Variants in WDR48 observed in about 807,000 individuals in gnomAD.
WDR48 encodes the protein WD repeat-containing protein 48.
In WDR48, 22 loss-of-function variants were observed where a neutral mutation model predicts 94.0. That is an observed-to-expected ratio of 0.23 (90% CI 0.17 to 0.33). The LOEUF (loss-of-function observed/expected upper bound fraction) is 0.33. WDR48 is among the 10% of genes least tolerant of loss of function. The pLI is 1.00. For missense variants in WDR48, 541 were observed against 813.8 expected, an observed-to-expected ratio of 0.66 and a Z score of 4.08; for synonymous variants, 278 against 280.5, an observed-to-expected ratio of 0.99 and a Z score of 0.09.
At chr3:39,071,117 A>T (rs529140873) in intron 7 of WDR48, among the ~76,000 whole-genome samples, 49 of 152,232 alleles carry the variant, frequency 3.2e-4, no homozygotes, top group African/African-American at 1.0e-3. Flanking sequence ...AGTATTTGCT[A>T]TTGTGAATAG....
At chr3:39,071,751 A>G (rs750939813) in intron 7 of WDR48, among the ~76,000 whole-genome samples, 5 of 152,192 alleles carry the variant, frequency 3.3e-5, no homozygotes, top group East Asian at 3.8e-4. Flanking sequence ...ATTGGCAACT[A>G]TGGACTAAAT....
chr3:39,057,717 G>A (rs965043124), intron 1 of WDR48, among the ~76,000 whole-genome samples: 1 of 152,102 alleles, frequency 6.6e-6, no homozygotes, highest in African/African-American at 2.4e-5. Flanking sequence ...CTGCTTCCTG[G>A]GTTCAAGTGA....
At chr3:39,067,886 G>T (rs1458859846) in intron 5 of WDR48, among the ~76,000 whole-genome samples, 1 of 151,830 alleles carries the variant, frequency 6.6e-6, no homozygotes, top group Non-Finnish European at 1.5e-5. Context: ...CATTATCTCT[G>T]ATTCATTAGC....
intron 2 of WDR48, among the ~76,000 whole-genome samples, chr3:39,064,958 CA>C (rs2033513874): frequency 6.6e-6 from 1 of 152,160 alleles, no homozygotes; most frequent in African/African-American, 2.4e-5. Context: ...GAAAAACACC[CA>C]AAAGAACTAA....
Position 39,084,654 on chromosome 3 carries a change from A to G in WDR48, c.1291A>G (p.Ile431Val), listed in dbSNP as rs761581186. 1.2e-5 allele frequency: 19 copies of G among 1,613,640 alleles called. No individual in the cohort carries two copies. The Admixed American group carries it at 1.7e-4, about 14-fold the overall frequency. ...TTTTTTCTTTTGATAGATGTTAACT[A>G]TTACTTTGGATGAAAGTGATTGTTT... The part of the protein sequence containing the change: ...SVDLKTGMLT[I>V]TLDESDCFAA... Residue 431 changes from isoleucine to valine, a missense_variant, in exon 13 of 19, where the codon ATT becomes GTT. Physicochemically the swap from Ile to Val is conservative, Grantham distance 29. Transcript: ENST00000302313.
chr3:39,074,677 A>G lies in WDR48; in HGVS notation c.673-49A>G, dbSNP rs2034120108. The G allele has an allele frequency of 1.9e-6, 3 of 1,598,146 alleles. No individual in the cohort carries two copies. The South Asian group carries it at 3.3e-5, about 18-fold the overall frequency. Reference sequence around the variant, plus strand: ...GAGAAGTCAAGTGCAAAGCACAAGAAAGCAGGAACTTTGTGGCAAGTTCTA... The same window carrying G: ...GAGAAGTCAAGTGCAAAGCACAAGAGAGCAGGAACTTTGTGGCAAGTTCTA... On this transcript the variant is annotated intron_variant, in intron 7 of 18. Coordinates refer to ENST00000302313, the MANE Select transcript of WDR48 (RefSeq NM_020839.4).
At chr3:39,069,864 A>G in intron 7 of WDR48, 120 bp downstream of exon 7, 1 of 706,298 alleles carries the variant, frequency 1.4e-6, no homozygotes, top group Non-Finnish European at 2.2e-6. Flanking sequence ...GTCTAATTAA[A>G]AAATTTTAAA....
intron 1 of WDR48, among the ~76,000 whole-genome samples, chr3:39,059,887 T>C (rs1376449602): frequency 1.3e-5 from 2 of 152,234 alleles, no homozygotes; most frequent in Non-Finnish European, 2.9e-5. Context: ...TGATTATTTA[T>C]GGGGTTTTTG....
At chr3:39,088,074 A>G in intron 14 of WDR48, 54 bp from the exon 15 acceptor site, 2 of 1,542,764 alleles carry the variant, frequency 1.3e-6, no homozygotes, top group Admixed American at 1.7e-5. Flanking sequence ...AATGTTTAGA[A>G]TCTGTATTTT....
At chr3:39,060,419 CATATAT>C (rs200990149) in intron 1 of WDR48, among the ~76,000 whole-genome samples, 6 of 147,770 alleles carry the variant, frequency 4.1e-5, no homozygotes, top group African/African-American at 1.2e-4. Context: ...TGTGTGTGTG[CATATAT>C]ATATATATAT....
At chr3:39,068,519 T>C (rs923995974) in intron 5 of WDR48, among the ~76,000 whole-genome samples, 2 of 152,256 alleles carry the variant, frequency 1.3e-5, no homozygotes, top group African/African-American at 4.8e-5. Context: ...AAACATATCA[T>C]TTAAGCGGAT....
At chr3:39,086,747 T>C (rs78628350) in intron 14 of WDR48, among the ~76,000 whole-genome samples, 6,070 of 152,264 alleles carry the variant, frequency 0.04, 435 homozygotes, top group African/African-American at 0.14. Flanking sequence ...AAATAAGCAA[T>C]AAGGATTAAG....
chr3:39,085,240 A>AG (rs397701479), intron 13 of WDR48, among the ~76,000 whole-genome samples: 1 of 151,738 alleles, frequency 6.6e-6, no homozygotes, highest in Non-Finnish European at 1.5e-5. Flanking sequence ...AAAAAAAAAA[A>AG]TCTGATTCTC....
intron 11 of WDR48, among the ~76,000 whole-genome samples, chr3:39,080,319 G>A (rs2034455969): frequency 6.6e-6 from 1 of 152,162 alleles, no homozygotes. Context: ...ACACAATAAG[G>A]TTGGCTGTTT....
At chr3:39,079,373 CAG>C (rs2034403508) in intron 10 of WDR48, among the ~76,000 whole-genome samples, 1 of 152,180 alleles carries the variant, frequency 6.6e-6, no homozygotes, top group Non-Finnish European at 1.5e-5. Context: ...GAGACTAATA[CAG>C]AGACTTCCTG....
At chr3:39,071,286 C>A (rs2033922102) in intron 7 of WDR48, among the ~76,000 whole-genome samples, 1 of 152,174 alleles carries the variant, frequency 6.6e-6, no homozygotes. Context: ...TAAGCCAGGG[C>A]ATTTCCTAGA....
chr3:39,066,769 T>C lies in WDR48; in HGVS notation c.375T>C (p.Tyr125=), dbSNP rs976661052. ...AGGATTACGTAAAGGCCTTAGCATA[T>C]GCCAAGGATAAAGAACTAGTAGCAT... ...THKDYVKALA[Y]AKDKELVASA... is the part of the protein sequence containing the mutation. Residue 125 remains tyrosine, a synonymous_variant, in exon 5 of 19, where the codon TAT becomes TAC. Coordinates refer to ENST00000302313, the MANE Select transcript of WDR48 (RefSeq NM_020839.4). 1.5e-5 allele frequency: 24 copies of C among 1,613,904 alleles called. No homozygotes were observed. The highest frequency in any genetic ancestry group is 2.0e-5 in the Non-Finnish European group (24 of 1,179,924).
At chr3:39,093,801 A>G in intron 17 of WDR48, 73 bp from the exon 18 acceptor site, 1 of 1,356,166 alleles carries the variant, frequency 7.4e-7, no homozygotes, top group Non-Finnish European at 9.6e-7. Context: ...GTTTGCATCA[A>G]AGAAAAATAA....
At chr3:39,080,127 G>T (rs1426963184) in intron 11 of WDR48, among the ~76,000 whole-genome samples, 2 of 151,574 alleles carry the variant, frequency 1.3e-5, no homozygotes, top group Non-Finnish European at 2.9e-5. Flanking sequence ...GAGGGGGCAG[G>T]TAGGGGGCTA....
Sources: gnomAD v4.1 joint callset for allele counts (sites outside exome capture counted in the v4.1 genomes callset) on GRCh38, gnomAD v4.1.1 for gene constraint, MANE v1.5 for transcripts, NCBI Gene and HGNC (gene_info 2026-07-23, HGNC 2026-07-21) for gene names.